CYFIP1: variants seen among roughly 807,000 people sequenced by gnomAD.
CYFIP1 encodes the protein cytoplasmic FMR1 interacting protein 1.
A neutral mutation model predicts 163.5 loss-of-function variants in CYFIP1; 58 were observed. The observed-to-expected ratio is 0.35, with a 90% CI of 0.29 to 0.44. CYFIP1 has a LOEUF of 0.44. CYFIP1 is among the 20% of genes least tolerant of loss of function. The pLI, the probability that CYFIP1 is intolerant of heterozygous loss-of-function variation, is 1.00. For missense variants in CYFIP1, 1,338 were observed against 1,653.8 expected, an observed-to-expected ratio of 0.81 and a Z score of 3.31; for synonymous variants, 663 against 660.7, an observed-to-expected ratio of 1.00 and a Z score of -0.05.
intron 11 of CYFIP1, among the ~76,000 whole-genome samples, chr15:22,929,467 AC>A (rs1246710703): frequency 6.6e-6 from 1 of 151,892 alleles, no homozygotes; most frequent in Non-Finnish European, 1.5e-5. Flanking sequence ...CCCCGTCTCT[AC>A]TAAAAATACA....
chr15:22,952,415 G>A (rs1288415582), intron 1 of CYFIP1, among the ~76,000 whole-genome samples: 1 of 152,056 alleles, frequency 6.6e-6, no homozygotes, highest in African/African-American at 2.4e-5. Context: ...TGGCACTTCA[G>A]GAGGCCGAGG....
In CYFIP1 at chr15:22,917,706, G is replaced by T. The variant is rs2142110295; in HGVS notation, c.1674+82C>A. On this transcript the variant is annotated intron_variant, in intron 15 of 30. Coordinates refer to ENST00000617928, the MANE Select transcript of CYFIP1 (RefSeq NM_014608.6). This position sits in a 1 kb window ranked among gnomAD's most constrained non-coding sequence, Gnocchi z 4.2. ...GGCAGCGAGGACCTCATTTAACCCG[G>T]GCCTCACCAGCCCCACCCGCTCACA... 2 of 1,468,148 alleles carry T rather than the reference G, an allele frequency of 1.4e-6. No individual in the cohort carries two copies. The highest frequency in any genetic ancestry group is 1.8e-6 in the Non-Finnish European group (2 of 1,104,634). 90.9% of individuals were successfully genotyped at this position (1,468,148 alleles called of 1,614,324 possible). A position where few individuals can be genotyped will look rare whatever the true frequency, so the allele number is the denominator to read the frequency against.
intron 1 of CYFIP1, among the ~76,000 whole-genome samples, chr15:22,951,971 C>T (rs1035612488): frequency 6.6e-6 from 1 of 152,190 alleles, no homozygotes; most frequent in African/African-American, 2.4e-5. Flanking sequence ...ACGCCAGATG[C>T]GCAGCTTGTT....
At chr15:22,978,793 G>T (rs1022417539) in intron 1 of CYFIP1, among the ~76,000 whole-genome samples, 1 of 152,022 alleles carries the variant, frequency 6.6e-6, no homozygotes, top group Non-Finnish European at 1.5e-5. Flanking sequence ...TATGCTAAGC[G>T]AAACAAGCCA....
chr15:22,941,516 C>T (rs968144928), intron 6 of CYFIP1, among the ~76,000 whole-genome samples: 1 of 151,232 alleles, frequency 6.6e-6, no homozygotes, highest in African/African-American at 2.4e-5. Flanking sequence ...CTAGTAGCCA[C>T]GAGCAGGTGC....
At chr15:22,904,879 C>G (rs191233454) in intron 21 of CYFIP1, 1 of 152,302 alleles carries the variant, frequency 6.6e-6, no homozygotes, top group African/African-American at 2.4e-5. Context: ...CACAGGGACA[C>G]GCACTGTGCC....
At chr15:22,953,659 G>A (rs1371483120) in intron 1 of CYFIP1, among the ~76,000 whole-genome samples, 1 of 152,168 alleles carries the variant, frequency 6.6e-6, no homozygotes, top group Non-Finnish European at 1.5e-5. Flanking sequence ...CTTTATAAGT[G>A]GCTGCCACAG....
chr15:22,909,383 C>G, intron 20 of CYFIP1, 70 bp from the exon 21 acceptor site: 1 of 1,588,190 alleles, frequency 6.3e-7, no homozygotes, highest in South Asian at 1.1e-5. Flanking sequence ...AAACGCCTCA[C>G]CAGAGACCCT....
chr15:22,867,073 TGTA>T lies in CYFIP1; in HGVS notation c.*2952_*2954del, dbSNP rs555050089. ...ACGATTTCTATTAACATTTTATTGT[TGTA>T]GAAGTATTTTACATTTTCATCCCTT... On this transcript the variant is annotated 3_prime_UTR_variant, in exon 31 of 31. Coordinates refer to ENST00000617928, the MANE Select transcript of CYFIP1 (RefSeq NM_014608.6). 2.5e-4 allele frequency: 125 copies of T among 508,506 alleles called. No homozygotes were observed. The highest frequency in any genetic ancestry group is 1.6e-3 in the African/African-American group (83 of 50,884). 31.5% of individuals were successfully genotyped at this position (508,506 alleles called of 1,614,324 possible).
At chr15:22,881,223 A>G (rs924441759) in intron 25 of CYFIP1, among the ~76,000 whole-genome samples, 2 of 152,222 alleles carry the variant, frequency 1.3e-5, no homozygotes, top group African/African-American at 4.8e-5. Flanking sequence ...TGCAGGCTCA[A>G]GTCGCTTTAC....
intron 11 of CYFIP1, among the ~76,000 whole-genome samples, chr15:22,928,782 GAC>G (rs747456534): frequency 1.3e-5 from 2 of 152,142 alleles, no homozygotes; most frequent in Non-Finnish European, 2.9e-5. Context: ...ATATATTTAG[GAC>G]ACAGAATTAA....
chr15:22,925,113 A>T (rs142682171), intron 13 of CYFIP1, among the ~76,000 whole-genome samples: 8 of 152,242 alleles, frequency 5.3e-5, no homozygotes, highest in Non-Finnish European at 8.8e-5. Flanking sequence ...GGTGGAACCC[A>T]AGAACACTGA....
intron 1 of CYFIP1, among the ~76,000 whole-genome samples, chr15:22,969,609 A>T (rs2063020771): frequency 6.6e-6 from 1 of 152,198 alleles, no homozygotes; most frequent in Admixed American, 6.5e-5. Context: ...TCTGGATATA[A>T]GACATAAAGA....
chr15:22,892,904 G>A lies in CYFIP1; in HGVS notation c.2662C>T (p.Leu888=). The A allele has an allele frequency of 6.2e-7, 1 of 1,612,530 alleles. No homozygotes were observed. The highest frequency in any genetic ancestry group is 1.1e-5 in the South Asian group (1 of 91,070). Residue 888 remains leucine, a synonymous_variant, in exon 23 of 31, where the codon CTG becomes TTG. Coordinates refer to ENST00000617928, the MANE Select transcript of CYFIP1 (RefSeq NM_014608.6). ...DKQPNAQPQY[L]HGSKALNLAY... is the part of the protein sequence containing the mutation. ...TTGGAGCCTACCTTGGATCCATGCA[G>A]ATACTGAGGCTGTGCATTAGGCTGC...
chr15:22,932,381 C>T (rs757531365), intron 10 of CYFIP1, 41 bp from the exon 11 acceptor site: 30 of 1,449,260 alleles, frequency 2.1e-5, no homozygotes, highest in South Asian at 1.3e-4. Flanking sequence ...GCGGAGGCGC[C>T]GGCAGGCCAC....
intron 22 of CYFIP1, among the ~76,000 whole-genome samples, chr15:22,898,977 G>A (rs1310007199): frequency 6.6e-6 from 1 of 151,884 alleles, no homozygotes; most frequent in Non-Finnish European, 1.5e-5. Context: ...ACTCCAGCCT[G>A]GGTGACAGCA....
In CYFIP1 at chr15:22,921,764, CAAAAAAAAAAA is replaced by C. The variant is rs35027433; in HGVS notation, c.1360-2917_1360-2907del. 3.6e-3 allele frequency among the ~76,000 whole-genome samples: 210 copies of C among 58,170 alleles called. 1 individual carries two copies. Among genetic ancestry groups the C allele is most frequent in the Non-Finnish European group, 5.6e-3 (164 of 29,176 alleles). The allele number at this position is 58,170 out of a possible 152,430, so 38.2% of individuals were successfully genotyped here. ...CTGGGCAACACGCGAGACTCTGTCT[CAAAAAAAAAAA>C]AAAAAAAAAAGAAGCACGAGTTACC... On this transcript the variant is annotated intron_variant, in intron 13 of 30. Coordinates refer to ENST00000617928, the MANE Select transcript of CYFIP1 (RefSeq NM_014608.6).
intron 21 of CYFIP1, chr15:22,905,167 G>GTAT (rs977598150): frequency 6.6e-6 from 1 of 152,104 alleles, no homozygotes; most frequent in Non-Finnish European, 1.5e-5. Flanking sequence ...GTTTTTAAAT[G>GTAT]TATTATTATT....
At chr15:22,922,457 C>T (rs1437115383) in intron 13 of CYFIP1, among the ~76,000 whole-genome samples, 1 of 152,212 alleles carries the variant, frequency 6.6e-6, no homozygotes, top group Non-Finnish European at 1.5e-5. Context: ...TTACACCTGT[C>T]TTCTCTGGAC....
Sources: allele counts gnomAD v4.1 joint callset (sites outside exome capture counted in the v4.1 genomes callset), GRCh38; gene constraint gnomAD v4.1.1; non-coding constraint Gnocchi (gnomAD v3.1); transcripts MANE v1.5; gene names NCBI Gene and HGNC (gene_info 2026-07-23, HGNC 2026-07-21).